Variants in PLOD2 observed in about 807,000 individuals in gnomAD.
PLOD2 encodes the protein procollagen-lysine,2-oxoglutarate 5-dioxygenase 2, also known as lysine hydroxylase 2.
Under a neutral mutation model 101.0 loss-of-function variants are expected in PLOD2, and 65 were observed. The observed-to-expected ratio is 0.64, with a 90% confidence interval of 0.53 to 0.79. The LOEUF (loss-of-function observed/expected upper bound fraction) is 0.79. Among genes scored for constraint, PLOD2 ranks in the 30% least tolerant of loss-of-function variants. The probability of loss-of-function intolerance (pLI) is 0.00; values close to 1 mark genes in which losing one functional copy is unlikely to be tolerated. For synonymous variants in PLOD2, 314 were observed against 302.9 expected (o/e 1.04, Z -0.38); for missense variants, 909 against 914.6 (o/e 0.99, Z 0.08).
chr3:146,161,149 A>C lies in PLOD2; in HGVS notation c.-160T>G. On this transcript the variant is annotated 5_prime_UTR_variant, in exon 1 of 20. Transcript: ENST00000282903. Reference sequence around the variant, plus strand: ...CGGCAGCCGGAGCGGCGCGTAACGCAGCTGAGTGAGGTCGTCGGTGGAGGC... The same window carrying C: ...CGGCAGCCGGAGCGGCGCGTAACGCCGCTGAGTGAGGTCGTCGGTGGAGGC... The C allele has an allele frequency of 2.4e-6, 1 of 421,256 alleles. No homozygotes were observed. The highest frequency in any genetic ancestry group is 4.1e-6 in the Non-Finnish European group (1 of 245,440). The allele number at this position is 421,256 out of a possible 1,614,324, so 26.1% of individuals were successfully genotyped here. A position where few individuals can be genotyped will look rare whatever the true frequency, so the allele number is the denominator to read the frequency against.
At chr3:146,151,235 C>T (rs940261185) in intron 1 of PLOD2, among the ~76,000 whole-genome samples, 3 of 152,140 alleles carry the variant, frequency 2.0e-5, no homozygotes, top group Admixed American at 6.5e-5. Flanking sequence ...CGGTGGCTCA[C>T]GCCTGTAATC....
chr3:146,124,055 G>T (rs2030382767), intron 2 of PLOD2, 83 bp downstream of exon 2: 1 of 781,424 alleles, frequency 1.3e-6, no homozygotes, highest in Non-Finnish European at 2.3e-6. Context: ...TCCTTGTGAG[G>T]ATTACAGATT....
At chr3:146,112,734 C>T (rs899341524) in intron 3 of PLOD2, among the ~76,000 whole-genome samples, 1 of 151,772 alleles carries the variant, frequency 6.6e-6, no homozygotes, top group Non-Finnish European at 1.5e-5. Context: ...GCCTGTAATC[C>T]CAGCTACTTG....
intron 1 of PLOD2, among the ~76,000 whole-genome samples, chr3:146,142,546 G>T (rs2031573230): frequency 6.6e-6 from 1 of 151,972 alleles, no homozygotes; most frequent in African/African-American, 2.4e-5. Context: ...TCATGTAAAG[G>T]TTGGTCAATA....
intron 5 of PLOD2, among the ~76,000 whole-genome samples, chr3:146,105,733 C>A (rs1031378966): frequency 6.6e-6 from 1 of 152,148 alleles, no homozygotes; most frequent in Admixed American, 6.5e-5. Flanking sequence ...AGGATCCAGT[C>A]CCTACAATGT....
intron 1 of PLOD2, among the ~76,000 whole-genome samples, chr3:146,134,273 T>C: frequency 6.6e-6 from 1 of 152,246 alleles, no homozygotes; most frequent in South Asian, 2.1e-4. Context: ...AAAAGCAGTA[T>C]GTTTCCTATC....
chr3:146,123,770 G>T (rs995627468), intron 2 of PLOD2, among the ~76,000 whole-genome samples: 1 of 151,634 alleles, frequency 6.6e-6, no homozygotes, highest in African/African-American at 2.4e-5. Flanking sequence ...CTGTTTTATA[G>T]AGTATATTTA....
At chr3:146,104,932 T>C (rs1348958288) in intron 5 of PLOD2, 1 of 152,300 alleles carries the variant, frequency 6.6e-6, no homozygotes, top group Non-Finnish European at 1.5e-5. Flanking sequence ...GAAAGGCAAC[T>C]TAAAGAGAGT....
chr3:146,151,514 A>T (rs1165671654), intron 1 of PLOD2, among the ~76,000 whole-genome samples: 1 of 152,116 alleles, frequency 6.6e-6, no homozygotes. Flanking sequence ...AAAAAAGTCA[A>T]GAGACATCAA....
At chr3:146,143,537 G>C (rs2031632302) in intron 1 of PLOD2, among the ~76,000 whole-genome samples, 1 of 151,890 alleles carries the variant, frequency 6.6e-6, no homozygotes, top group African/African-American at 2.4e-5. Context: ...CTTCTCCCTA[G>C]ACTACTGAAA....
intron 10 of PLOD2, chr3:146,086,196 A>G: frequency 6.6e-6 from 1 of 152,406 alleles, no homozygotes; most frequent in Admixed American, 6.5e-5. Flanking sequence ...TTTCCTGATG[A>G]GAATGGATCA....
At position 146,081,396 on chromosome 3, in the gene PLOD2, T is replaced by C. The variant is rs1026089527; in HGVS notation, c.1358+342A>G. Among the ~76,000 whole-genome samples the C allele has an allele frequency of 3.3e-5, 5 of 152,280 alleles. 1 individual carries two copies. In the South Asian group the frequency reaches 1.0e-3, roughly 32 times the overall value. On this transcript the variant is annotated intron_variant, in intron 12 of 19. Coordinates refer to ENST00000282903, the MANE Select transcript of PLOD2 (RefSeq NM_182943.3). ...AACCTATCAAAACAACCCTTAATTATAACCATTAAAAAGTTAGTAAACTAA... is the reference window on the plus strand; with the variant it reads ...AACCTATCAAAACAACCCTTAATTACAACCATTAAAAAGTTAGTAAACTAA...
intron 3 of PLOD2, among the ~76,000 whole-genome samples, chr3:146,117,745 G>A (rs1387020966): frequency 2.0e-5 from 3 of 152,050 alleles, no homozygotes; most frequent in Non-Finnish European, 2.9e-5. Context: ...CACTAACAGT[G>A]CCTGGAAGAC....
chr3:146,155,281 G>A (rs6793380), intron 1 of PLOD2, among the ~76,000 whole-genome samples: 74,198 of 151,772 alleles, frequency 0.49, 18,240 homozygotes, highest in South Asian at 0.53. Flanking sequence ...CTATGATAGC[G>A]TCACTGCATT....
rs539093105 is a variant in PLOD2 at position 146,154,312 on chromosome 3, TATAA to T, written c.109+6565_109+6568del. Among the ~76,000 whole-genome samples the T allele has an allele frequency of 5.3e-5, 8 of 151,850 alleles. No individual in the cohort carries two copies. The South Asian group carries it at 1.7e-3, about 32-fold the overall frequency. ...TTAAACTTCTGGTGTAGATTTTTAT[TATAA>T]ATACAGTAGTTCTTCAACCAAAAAA... On this transcript the variant is annotated intron_variant, in intron 1 of 19. Coordinates refer to ENST00000282903, the MANE Select transcript of PLOD2 (RefSeq NM_182943.3).
At chr3:146,119,360 T>C (rs1938073946) in intron 3 of PLOD2, among the ~76,000 whole-genome samples, 1 of 152,208 alleles carries the variant, frequency 6.6e-6, no homozygotes, top group African/African-American at 2.4e-5. Flanking sequence ...CTTTTCTTTA[T>C]AAATTATGCA....
In PLOD2 at chr3:146,161,178, G is replaced by C; in HGVS notation, c.-189C>G. On this transcript the variant is annotated 5_prime_UTR_variant, in exon 1 of 20. Coordinates refer to ENST00000282903, the MANE Select transcript of PLOD2 (RefSeq NM_182943.3). The stretch of plus-strand genomic sequence containing the variant: ...GAGTGAGGTCGTCGGTGGAGGCACG[G>C]AGCAGCAGGCGCCCGGGGCGCTGCG... 1 of 377,762 alleles carries C rather than the reference G, an allele frequency of 2.6e-6. No homozygotes were observed. Among genetic ancestry groups the C allele is most frequent in the Non-Finnish European group, 4.6e-6 (1 of 216,342 alleles). 23.4% of individuals were successfully genotyped at this position (377,762 alleles called of 1,614,324 possible). A position where few individuals can be genotyped will look rare whatever the true frequency, so the allele number is the denominator to read the frequency against.
At chr3:146,137,291 C>T (rs2031285863) in intron 1 of PLOD2, among the ~76,000 whole-genome samples, 1 of 152,162 alleles carries the variant, frequency 6.6e-6, no homozygotes, top group Non-Finnish European at 1.5e-5. Context: ...GCCACATTCA[C>T]AAAAACTCTC....
intron 1 of PLOD2, among the ~76,000 whole-genome samples, chr3:146,138,509 G>C (rs1215258775): frequency 6.6e-6 from 1 of 152,100 alleles, no homozygotes; most frequent in Admixed American, 6.5e-5. Flanking sequence ...GCAGATATTT[G>C]AGGGACATCT....
Sources: gnomAD v4.1 joint callset for allele counts (sites outside exome capture counted in the v4.1 genomes callset) on GRCh38, gnomAD v4.1.1 for gene constraint, MANE v1.5 for transcripts, NCBI Gene and HGNC (gene_info 2026-07-23, HGNC 2026-07-21) for gene names.